Variants in SCGB1A1 observed in about 807,000 individuals in gnomAD.
SCGB1A1 encodes the protein secretoglobin family 1A member 1, also known as uteroglobin.
In SCGB1A1, 8 loss-of-function variants were observed where a neutral mutation model predicts 7.5. That is an observed-to-expected ratio of 1.07 (90% confidence interval 0.63 to 1.92). The LOEUF (loss-of-function observed/expected upper bound fraction) is 1.92. SCGB1A1 is among the 30% of genes most tolerant of loss of function. The pLI is 0.00. For missense variants in SCGB1A1, 121 were observed against 112.7 expected (o/e 1.07, Z -0.33); for synonymous variants, 44 against 40.8 (o/e 1.08, Z -0.30).
intron 2 of SCGB1A1, among the ~76,000 whole-genome samples, chr11:62,422,703 T>C (rs758368642): frequency 3.8e-4 from 58 of 151,376 alleles, no homozygotes; most frequent in Non-Finnish European, 6.9e-4. Flanking sequence ...GCCTCTTGAG[T>C]AGCTGGGATT....
chr11:62,423,183 C>T lies in SCGB1A1; in HGVS notation c.*92C>T. The stretch of plus-strand genomic sequence containing the variant: ...ACCAGCCTTGCTCTCTTCAATAAAC[C>T]ACAAGCATCTCACTTTTGTGCCCCC... On this transcript the variant is annotated 3_prime_UTR_variant, in exon 3 of 3. Coordinates refer to ENST00000278282, the MANE Select transcript of SCGB1A1 (RefSeq NM_003357.5). The T allele has an allele frequency of 7.4e-7, 1 of 1,351,082 alleles. No individual in the cohort carries two copies. The highest frequency in any genetic ancestry group is 2.3e-5 in the East Asian group (1 of 43,538). The allele number at this position is 1,351,082 out of a possible 1,614,324, so 83.7% of individuals were successfully genotyped here. A position where few individuals can be genotyped will look rare whatever the true frequency, so the allele number is the denominator to read the frequency against.
chr11:62,419,236 C>G, intron 1 of SCGB1A1, 86 bp downstream of exon 1: 1 of 1,095,728 alleles, frequency 9.1e-7, no homozygotes, highest in Non-Finnish European at 1.2e-6. Flanking sequence ...GAGTGAGCTG[C>G]CCATTCCTGC....
At chr11:62,422,511 G>C (rs2134747705) in intron 2 of SCGB1A1, 103 bp downstream of exon 2, 1 of 930,674 alleles carries the variant, frequency 1.1e-6, no homozygotes, top group East Asian at 2.7e-5. Context: ...AGAGAGGAGA[G>C]TCACAGTGCC....
rs759978033 is a variant in SCGB1A1, at chr11:62,422,236, G to T, written c.71G>T (p.Cys24Phe). 83 of 1,612,312 alleles carry T rather than the reference G, an allele frequency of 5.1e-5. No individual in the cohort carries two copies. Among genetic ancestry groups the T allele is most frequent in the Non-Finnish European group, 6.7e-5 (79 of 1,178,938 alleles). Residue 24 changes from cysteine (C) to phenylalanine (F), a missense_variant, in exon 2 of 3, where the codon TGC (cysteine) becomes TTC (phenylalanine). Physicochemically the swap from Cys to Phe is radical, Grantham distance 205 (BLOSUM62 -2). Coordinates refer to ENST00000278282, the MANE Select transcript of SCGB1A1 (RefSeq NM_003357.5). ...LCCSSASAEI[C>F]PSFQRVIETL... is the part of the protein sequence containing the mutation. ...TGTGTTGCAGCTTCTGCAGAGATCTGCCCGAGCTTTCAGCGTGTCATCGAA... is the reference window on the plus strand; with the variant it reads ...TGTGTTGCAGCTTCTGCAGAGATCTTCCCGAGCTTTCAGCGTGTCATCGAA...
chr11:62,422,662 C>T (rs1224594379), intron 2 of SCGB1A1, among the ~76,000 whole-genome samples: 3 of 151,210 alleles, frequency 2.0e-5, no homozygotes, highest in Admixed American at 2.0e-4. Flanking sequence ...GCAACCTCCA[C>T]CTCCCAGGTT....
rs1937816771 is a variant in SCGB1A1, at chr11:62,422,315, C to T, written c.150C>T (p.Ser50=). The T allele has an allele frequency of 4.3e-6, 7 of 1,613,998 alleles. No homozygotes were observed. The East Asian group carries it at 1.1e-4, about 26-fold the overall frequency. The change falls in exon 2 of 3, where the codon AGC becomes AGT. Residue 50 remains serine, a synonymous_variant. Transcript: ENST00000278282. ...ATGAGGCTGCCATGGAACTTTTCAG[C>T]CCTGATCAAGACATGAGGGAGGCAG... The part of the protein sequence containing the change: ...SSYEAAMELF[S]PDQDMREAGA...
chr11:62,421,269 G>A (rs992245371), intron 1 of SCGB1A1, among the ~76,000 whole-genome samples: 1 of 152,150 alleles, frequency 6.6e-6, no homozygotes, highest in South Asian at 2.1e-4. Flanking sequence ...TTTCCCCCAT[G>A]TTCCTGGTTG....
chr11:62,422,557 G>T, intron 2 of SCGB1A1, 149 bp downstream of exon 2: 12 of 424,248 alleles, frequency 2.8e-5, no homozygotes, highest in Middle Eastern at 6.8e-4. Flanking sequence ...GATCTTTCTA[G>T]ACATCTCCTC....
intron 2 of SCGB1A1, among the ~76,000 whole-genome samples, 163 bp downstream of exon 2, chr11:62,422,571 CTTTT>C (rs35723955): frequency 5.6e-4 from 63 of 112,408 alleles, no homozygotes; most frequent in African/African-American, 1.3e-3. Context: ...TCTCCTCTTC[CTTTT>C]TTTTTTTTTT....
chr11:62,423,004 G>A (rs372749182), intron 2 of SCGB1A1, 55 bp from the exon 3 acceptor site: 399 of 1,520,704 alleles, frequency 2.6e-4, no homozygotes, highest in Non-Finnish European at 3.5e-4. Context: ...GCCTAACTAT[G>A]CAATTCATTC....
In SCGB1A1 at chr11:62,422,424, C is replaced by T; in HGVS notation, c.243+16C>T. ...TAAGCTCATGGTAACCAGCACCTTT[C>T]ACGTCACACTGGTTAGAAGTGGCTT... On this transcript the variant is annotated intron_variant, in intron 2 of 2. Coordinates refer to ENST00000278282, the MANE Select transcript of SCGB1A1 (RefSeq NM_003357.5). 6.3e-7 allele frequency: 1 copy of T among 1,595,174 alleles called. No individual in the cohort carries two copies. The highest frequency in any genetic ancestry group is 2.2e-5 in the East Asian group (1 of 44,598).
intron 1 of SCGB1A1, among the ~76,000 whole-genome samples, chr11:62,420,417 G>A (rs571461004): frequency 8.7e-5 from 13 of 149,872 alleles, no homozygotes; most frequent in African/African-American, 2.9e-4. Context: ...GGGTTCAAGC[G>A]ATTCTCCTGC....
chr11:62,419,118 C>A lies in SCGB1A1; in HGVS notation c.23C>A (p.Thr8Asn). 6.3e-7 allele frequency: 1 copy of A among 1,585,946 alleles called. No individual in the cohort carries two copies. The highest frequency in any genetic ancestry group is 1.2e-5 in the South Asian group (1 of 86,254). MKLAVTL[T>N]LVTLALCCSS... ...ACCATGAAACTCGCTGTCACCCTCA[C>A]CCTGGTCACACTGGCTCTCTGCTGC... is the stretch of plus-strand genomic sequence containing the variant. Residue 8 changes from threonine (T) to asparagine (N), a missense_variant, in exon 1 of 3, where the codon ACC (threonine) becomes AAC (asparagine). Physicochemically the swap from Thr to Asn is moderately conservative, Grantham distance 65. Coordinates refer to ENST00000278282, the MANE Select transcript of SCGB1A1 (RefSeq NM_003357.5).
chr11:62,422,548 A>T, intron 2 of SCGB1A1, 140 bp downstream of exon 2: 13 of 441,302 alleles, frequency 2.9e-5, no homozygotes, highest in Non-Finnish European at 4.1e-5. Flanking sequence ...CAGCACAGTG[A>T]TCTTTCTAGA....
Position 62,419,112 on chromosome 11 carries a change from C to T in SCGB1A1, c.17C>T (p.Thr6Ile). MKLAV[T>I]LTLVTLALCC... ...TCCTCCACCATGAAACTCGCTGTCACCCTCACCCTGGTCACACTGGCTCTC... is the reference window on the plus strand; with the variant it reads ...TCCTCCACCATGAAACTCGCTGTCATCCTCACCCTGGTCACACTGGCTCTC... The change falls in exon 1 of 3, where the codon ACC becomes ATC. Residue 6 changes from threonine (T) to isoleucine (I), a missense_variant. Thr to Ile is a moderately conservative substitution (Grantham distance 89). Coordinates refer to ENST00000278282, the MANE Select transcript of SCGB1A1 (RefSeq NM_003357.5). The T allele has an allele frequency of 2.5e-6, 4 of 1,585,734 alleles. No individual in the cohort carries two copies. The highest frequency in any genetic ancestry group is 1.7e-6 in the Non-Finnish European group (2 of 1,163,490).
At chr11:62,423,011 ATT>A in intron 2 of SCGB1A1, 46 bp from the exon 3 acceptor site, 1 of 1,570,834 alleles carries the variant, frequency 6.4e-7, no homozygotes, top group Non-Finnish European at 8.8e-7. Flanking sequence ...TATGCAATTC[ATT>A]CACTGTTGTA....
chr11:62,422,279 AC>A lies in SCGB1A1; in HGVS notation c.117del (p.Ser40ProfsTer16). 1 of 1,613,952 alleles carries A rather than the reference AC, an allele frequency of 6.2e-7. No individual in the cohort carries two copies. Among genetic ancestry groups the A allele is most frequent in the Non-Finnish European group, 8.5e-7 (1 of 1,179,910 alleles). ...RVIETLLMDT[P>X]SSYEAAMELF... ...TCATCGAAACCCTCCTCATGGACAC[AC>A]CCTCCAGTTATGAGGCTGCCATGGA... On this transcript the variant is annotated frameshift_variant, in exon 2 of 3. Coordinates refer to ENST00000278282, the MANE Select transcript of SCGB1A1 (RefSeq NM_003357.5). LOFTEE classifies it high-confidence loss of function.
In SCGB1A1 at chr11:62,419,109, TC is replaced by T. The variant is rs200870426; in HGVS notation, c.15del (p.Thr6ProfsTer50). On this transcript the variant is annotated frameshift_variant, in exon 1 of 3. Coordinates refer to ENST00000278282, the MANE Select transcript of SCGB1A1 (RefSeq NM_003357.5). LOFTEE classifies it high-confidence loss of function. MKLA[V>X]TLTLVTLALC... is the part of the protein sequence containing the mutation. ...CCCTCCTCCACCATGAAACTCGCTG[TC>T]ACCCTCACCCTGGTCACACTGGCTC... The T allele has an allele frequency of 8.1e-4, 1,282 of 1,582,942 alleles. 8 individuals are homozygous for T. The African/African-American group carries it at 0.015, about 18-fold the overall frequency.
chr11:62,422,996 C>T, intron 2 of SCGB1A1, 63 bp from the exon 3 acceptor site: 1 of 1,491,126 alleles, frequency 6.7e-7, no homozygotes, highest in Non-Finnish European at 9.4e-7. Flanking sequence ...TCATCTCTGC[C>T]TAACTATGCA....
Sources: allele counts gnomAD v4.1 joint callset (sites outside exome capture counted in the v4.1 genomes callset), GRCh38; gene constraint gnomAD v4.1.1; transcripts MANE v1.5; gene names NCBI Gene and HGNC (gene_info 2026-07-23, HGNC 2026-07-21).